The following SLC2A9 variants were observed in gnomAD, a reference collection of about 807,000 sequenced individuals.
The protein encoded by SLC2A9 is solute carrier family 2, facilitated glucose transporter member 9.
In SLC2A9, 39 loss-of-function variants were observed where a neutral mutation model predicts 50.6. The observed-to-expected ratio is 0.77, with a 90% CI of 0.60 to 1.01. SLC2A9 has a LOEUF of 1.01. Ranked by LOEUF, SLC2A9 falls within the 50% of genes least tolerant of loss-of-function variation. The probability of loss-of-function intolerance (pLI) is 0.00; values close to 1 mark genes in which losing one functional copy is unlikely to be tolerated. For missense variants in SLC2A9, 686 were observed against 677.6 expected (o/e 1.01, Z -0.14); for synonymous variants, 324 against 276.9 (o/e 1.17, Z -1.69).
chr4:10,035,702 G>C (rs1374233517), intron 1 of SLC2A9: 1 of 152,230 alleles, frequency 6.6e-6, no homozygotes, highest in African/African-American at 2.4e-5. Flanking sequence ...GCCCTCCAGT[G>C]GGGGGCAGGC....
At chr4:9,864,036 T>C (rs1319643186) in intron 10 of SLC2A9, among the ~76,000 whole-genome samples, 1 of 151,970 alleles carries the variant, frequency 6.6e-6, no homozygotes, top group East Asian at 1.9e-4. Context: ...GGGGTTGCCA[T>C]ACAGAGATCT....
At chr4:9,911,325 C>A (rs1741749903) in intron 7 of SLC2A9, among the ~76,000 whole-genome samples, 1 of 152,092 alleles carries the variant, frequency 6.6e-6, no homozygotes. Flanking sequence ...CAGTCTTAAT[C>A]TGTTTGTGAC....
chr4:9,806,899 A>G (rs1040888293), intron 3 of SLC2A9, among the ~76,000 whole-genome samples: 2 of 152,142 alleles, frequency 1.3e-5, no homozygotes, highest in South Asian at 2.1e-4. Flanking sequence ...TGATTAGAGG[A>G]GCATCTGGTT....
chr4:9,878,651 C>A (rs1002949807), intron 10 of SLC2A9, among the ~76,000 whole-genome samples: 36 of 152,100 alleles, frequency 2.4e-4, no homozygotes, highest in Middle Eastern at 3.4e-3. Context: ...AAGTAGGGCA[C>A]TTTCCTGAGT....
At chr4:9,783,451 T>A in intron 3 of SLC2A9, 1 of 1,607,568 alleles carries the variant, frequency 6.2e-7, no homozygotes, top group Non-Finnish European at 8.5e-7. Flanking sequence ...TCACCCCGAA[T>A]GGATTCCATT....
chr4:10,019,259 G>A (rs1263099753), intron 1 of SLC2A9, 186 bp from the exon 2 acceptor site: 1 of 599,012 alleles, frequency 1.7e-6, no homozygotes, highest in Non-Finnish European at 3.0e-6. Flanking sequence ...GTCCAGGTCC[G>A]CGTGCGCAGG....
intron 3 of SLC2A9, among the ~76,000 whole-genome samples, chr4:9,819,793 G>A (rs1448125291): frequency 6.6e-6 from 1 of 152,184 alleles, no homozygotes; most frequent in Non-Finnish European, 1.5e-5. Context: ...AATCAGCTGG[G>A]TGCAGTGATG....
At chr4:9,803,892 A>G (rs764484015) in intron 3 of SLC2A9, among the ~76,000 whole-genome samples, 1 of 152,232 alleles carries the variant, frequency 6.6e-6, no homozygotes, top group Non-Finnish European at 1.5e-5. Flanking sequence ...CCTCTGATAC[A>G]ATAATCACCA....
downstream of SLC2A9, among the ~76,000 whole-genome samples, chr4:9,778,960 G>T (rs1282834571): frequency 6.6e-6 from 1 of 152,026 alleles, no homozygotes. Flanking sequence ...TAGAGACGGG[G>T]TTTCACCATG....
intron 5 of SLC2A9, among the ~76,000 whole-genome samples, chr4:9,969,779 C>G (rs1316488636): frequency 6.6e-6 from 1 of 152,292 alleles, no homozygotes; most frequent in East Asian, 1.9e-4. Flanking sequence ...GACTTATTCA[C>G]TATCATGAGA....
intron 5 of SLC2A9, among the ~76,000 whole-genome samples, chr4:9,972,021 T>G (rs968297212): frequency 4.6e-5 from 7 of 152,234 alleles, no homozygotes; most frequent in African/African-American, 1.7e-4. Context: ...TTCTTTAAAA[T>G]CCTTTGTCTT....
intron 1 of SLC2A9, among the ~76,000 whole-genome samples, chr4:10,019,919 C>T (rs1361695985): frequency 2.6e-5 from 4 of 152,242 alleles, no homozygotes; most frequent in Non-Finnish European, 5.9e-5. Flanking sequence ...GGCTGACAAG[C>T]TGGCATGAGC....
intron 8 of SLC2A9, among the ~76,000 whole-genome samples, chr4:9,895,844 C>T (rs1022801794): frequency 4.6e-5 from 7 of 152,236 alleles, no homozygotes; most frequent in Non-Finnish European, 4.4e-5. Flanking sequence ...CTTCCCCCAA[C>T]TCCAGGCAAC....
chr4:9,864,348 T>C (rs1273105409), intron 10 of SLC2A9, among the ~76,000 whole-genome samples: 1 of 152,208 alleles, frequency 6.6e-6, no homozygotes, highest in African/African-American at 2.4e-5. Context: ...AGTGACCTCC[T>C]GCAAGTGCCC....
intron 10 of SLC2A9, among the ~76,000 whole-genome samples, chr4:9,844,535 T>C (rs115843320): frequency 2.6e-5 from 4 of 152,332 alleles, no homozygotes; most frequent in Non-Finnish European, 5.9e-5. Flanking sequence ...TTATACTTAG[T>C]TATGTTCAAG....
intron 6 of SLC2A9, among the ~76,000 whole-genome samples, chr4:9,941,381 T>A (rs74451287): frequency 0.015 from 2,248 of 152,296 alleles, 70 homozygotes; most frequent in African/African-American, 0.051. Context: ...TGTATACTCC[T>A]TCCTCCCTCG....
intron 9 of SLC2A9, among the ~76,000 whole-genome samples, chr4:9,890,287 T>G (rs1737134011): frequency 6.6e-6 from 1 of 152,186 alleles, no homozygotes; most frequent in African/African-American, 2.4e-5. Context: ...ACCTTAAGGT[T>G]GTCTAGTGCA....
chr4:9,955,390 G>A (rs1421051774), intron 5 of SLC2A9, among the ~76,000 whole-genome samples: 1 of 102,568 alleles, frequency 9.7e-6, no homozygotes, highest in Non-Finnish European at 1.9e-5. Context: ...AGCTACTGGG[G>A]AGGCTGAGGC....
At position 9,908,218 on chromosome 4, in the gene SLC2A9, A is replaced by G; in HGVS notation, c.1113+17T>C. ...ACCCCCTGTGGCATTCTCAGGAGTA[A>G]CCCTCAGTTGACTTACAGAGAAGAC... On this transcript the variant is annotated intron_variant, in intron 8 of 11. Transcript: ENST00000264784. 1 of 1,560,762 alleles carries G rather than the reference A, an allele frequency of 6.4e-7. No individual in the cohort carries two copies. The highest frequency in any genetic ancestry group is 1.1e-5 in the South Asian group (1 of 90,034).
Sources: gnomAD v4.1 joint callset for allele counts (sites outside exome capture counted in the v4.1 genomes callset) on GRCh38, gnomAD v4.1.1 for gene constraint, MANE v1.5 for transcripts, NCBI Gene and HGNC (gene_info 2026-07-23, HGNC 2026-07-21) for gene names.